The following APBB2 variants were observed in gnomAD, a reference collection of about 807,000 sequenced individuals.
APBB2 encodes Fe65-like 1.
Under a neutral mutation model 82.5 loss-of-function variants are expected in APBB2, and 38 were observed. The ratio of observed to expected loss-of-function variants is 0.46; its 90% CI spans 0.36 to 0.60. The LOEUF is 0.60. Among genes scored for constraint, APBB2 ranks in the 20% least tolerant of loss-of-function variants. APBB2 has a pLI of 0.00. For synonymous variants in APBB2, 341 were observed against 368.2 expected (o/e 0.93, Z 0.85); for missense variants, 772 against 972.3 (o/e 0.79, Z 2.74).
At chr4:40,985,348 TAAAC>T (rs981101921) in intron 6 of APBB2, among the ~76,000 whole-genome samples, 1 of 152,176 alleles carries the variant, frequency 6.6e-6, no homozygotes, top group African/African-American at 2.4e-5. Flanking sequence ...GAAAAATAAT[TAAAC>T]AACCCAGTGG....
intron 12 of APBB2, among the ~76,000 whole-genome samples, chr4:40,886,488 GA>G (rs560963073): frequency 2.1e-5 from 3 of 145,816 alleles, no homozygotes; most frequent in Non-Finnish European, 4.5e-5. Context: ...CTCAAAAAGA[GA>G]AAAAAAAAAC....
intron 6 of APBB2, among the ~76,000 whole-genome samples, chr4:40,989,423 G>C (rs1414612300): frequency 6.6e-6 from 1 of 152,116 alleles, no homozygotes; most frequent in Non-Finnish European, 1.5e-5. Flanking sequence ...AAAATTATGG[G>C]CTTTATGTCA....
intron 6 of APBB2, among the ~76,000 whole-genome samples, chr4:40,995,660 C>A (rs1432217202): frequency 6.6e-6 from 1 of 151,820 alleles, no homozygotes; most frequent in Non-Finnish European, 1.5e-5. Context: ...CTACCTCAGC[C>A]TCCTACGTAG....
At chr4:41,061,278 G>T (rs977100186) in intron 4 of APBB2, among the ~76,000 whole-genome samples, 14 of 152,192 alleles carry the variant, frequency 9.2e-5, no homozygotes, top group Non-Finnish European at 1.9e-4. Flanking sequence ...ATGTGTTGCT[G>T]AACAACAGAA....
intron 2 of APBB2, among the ~76,000 whole-genome samples, chr4:41,126,503 G>C (rs1481616482): frequency 2.0e-5 from 3 of 152,192 alleles, no homozygotes; most frequent in Non-Finnish European, 4.4e-5. Flanking sequence ...TCCATCTTGG[G>C]ATACCCAGGG....
At chr4:40,831,419 A>T (rs183007832) in intron 12 of APBB2, among the ~76,000 whole-genome samples, 32 of 152,256 alleles carry the variant, frequency 2.1e-4, no homozygotes, top group Non-Finnish European at 4.6e-4. Context: ...AACAAAAAAA[A>T]AACATAACTT....
rs909133323 is a variant in APBB2 at position 41,127,690 on chromosome 4, T to G, written c.-261+15297A>C. On this transcript the variant is annotated intron_variant, in intron 2 of 17. Coordinates refer to ENST00000508593, the MANE Select transcript of APBB2 (RefSeq NM_004307.2). The surrounding 1 kb of genome is among the most constrained non-coding windows in gnomAD (Gnocchi z 4.8). ...AAAAACAAATAACTCCATTAAAAAGTGGGCAAAAGGCTAGGCACGATGGGT... is the reference window on the plus strand; with the variant it reads ...AAAAACAAATAACTCCATTAAAAAGGGGGCAAAAGGCTAGGCACGATGGGT... 2.0e-5 allele frequency among the ~76,000 whole-genome samples: 3 copies of G among 152,102 alleles called. No individual in the cohort carries two copies. Among genetic ancestry groups the G allele is most frequent in the Non-Finnish European group, 2.9e-5 (2 of 68,006 alleles).
In APBB2 at chr4:40,982,346, G is replaced by A. The variant is rs1397280809; in HGVS notation, c.835+31237C>T. 7.6e-3 allele frequency among the ~76,000 whole-genome samples: 85 copies of A among 11,218 alleles called. 20 individuals carry two copies. Among genetic ancestry groups the A allele is most frequent in the East Asian group, 0.034 (13 of 386 alleles). The allele number at this position is 11,218 out of a possible 152,430, so 7.4% of individuals were successfully genotyped here. On this transcript the variant is annotated intron_variant, in intron 6 of 17. Transcript: ENST00000508593. ...AGAAAAGAAAGAAGGAAGGAAGGAA[G>A]GAAGGAAGGAAGGAAGGAAGGAAGG... is the stretch of plus-strand genomic sequence containing the variant.
In APBB2 at chr4:41,033,256, G is replaced by T; in HGVS notation, c.-2C>A. ...CTGACCTGGAAGTACTTCTGACATGGATCACCAGGCGTCAGCAATGGTGCA... is the reference window on the plus strand; with the variant it reads ...CTGACCTGGAAGTACTTCTGACATGTATCACCAGGCGTCAGCAATGGTGCA... On this transcript the variant is annotated 5_prime_UTR_variant, in exon 5 of 18. Transcript: ENST00000508593. 2 of 1,601,350 alleles carry T rather than the reference G, an allele frequency of 1.2e-6. No homozygotes were observed. Among genetic ancestry groups the T allele is most frequent in the East Asian group, 2.2e-5 (1 of 44,600 alleles).
intron 12 of APBB2, among the ~76,000 whole-genome samples, chr4:40,833,337 G>A (rs1038290418): frequency 3.9e-5 from 6 of 152,132 alleles, no homozygotes; most frequent in South Asian, 2.1e-4. Flanking sequence ...CCCACTGCAC[G>A]GCACTCCCCG....
At chr4:41,122,272 G>A (rs1446169298) in intron 2 of APBB2, among the ~76,000 whole-genome samples, 8 of 152,162 alleles carry the variant, frequency 5.3e-5, no homozygotes. Flanking sequence ...CTTGAGGACA[G>A]TACAAGTATC....
Position 41,079,119 on chromosome 4 carries a change from G to A in APBB2, c.-148-13446C>T, listed in dbSNP as rs545618902. ...ACCAAGTGTCTGATCCTGAAGAGATGGTCAGCACGAACACTAATGTCCAGT... is the reference window on the plus strand; with the variant it reads ...ACCAAGTGTCTGATCCTGAAGAGATAGTCAGCACGAACACTAATGTCCAGT... On this transcript the variant is annotated intron_variant, in intron 3 of 17. Transcript: ENST00000508593. Among the ~76,000 whole-genome samples the A allele has an allele frequency of 8.5e-5, 13 of 152,224 alleles. No homozygotes were observed. In the East Asian group the frequency reaches 2.5e-3, roughly 29 times the overall value.
chr4:41,050,118 AAAAAAT>A (rs202083903), intron 4 of APBB2, among the ~76,000 whole-genome samples: 10,843 of 152,044 alleles, frequency 0.071, 1,251 homozygotes, highest in African/African-American at 0.25. Context: ...GATCAATAAA[AAAAAAT>A]AAAAATAAAA....
rs140568437 is a variant in APBB2, at chr4:40,917,992, G to A, written c.1254+16464C>T. ...TAGGTTATAATTCCACATGCAAAACGCAATCTCTGTGAAACTTATTCCATG... is the reference window on the plus strand; with the variant it reads ...TAGGTTATAATTCCACATGCAAAACACAATCTCTGTGAAACTTATTCCATG... On this transcript the variant is annotated intron_variant, in intron 10 of 17. Coordinates refer to ENST00000508593, the MANE Select transcript of APBB2 (RefSeq NM_004307.2). Among the ~76,000 whole-genome samples, 113 of 152,288 alleles carry A rather than the reference G, an allele frequency of 7.4e-4. No homozygotes were observed. The East Asian group carries it at 0.019, about 25-fold the overall frequency.
intron 1 of APBB2, among the ~76,000 whole-genome samples, chr4:41,205,291 C>T (rs1351202073): frequency 1.3e-5 from 2 of 152,144 alleles, no homozygotes; most frequent in Admixed American, 6.5e-5. Flanking sequence ...AGTTACTAAG[C>T]AAGCACTACC....
At chr4:41,085,046 C>A (rs55922908) in intron 3 of APBB2, among the ~76,000 whole-genome samples, 1 of 152,024 alleles carries the variant, frequency 6.6e-6, no homozygotes, top group South Asian at 2.1e-4. Context: ...GTCAGGAGAT[C>A]GAGACCATTC....
chr4:41,123,238 T>G (rs28626107), intron 2 of APBB2, among the ~76,000 whole-genome samples: 60,201 of 151,620 alleles, frequency 0.4, 12,274 homozygotes, highest in Non-Finnish European at 0.45. Context: ...TCATCGTCAC[T>G]GGCTGAACAG....
chr4:41,115,511 G>A (rs1381355160), intron 2 of APBB2, among the ~76,000 whole-genome samples: 1 of 152,080 alleles, frequency 6.6e-6, no homozygotes, highest in East Asian at 1.9e-4. Context: ...CACAGCAAGG[G>A]AAACTATCAT....
chr4:40,815,859 C>A lies in APBB2; in HGVS notation c.*233G>T. The A allele has an allele frequency of 2.0e-6, 1 of 489,106 alleles. No individual in the cohort carries two copies. The highest frequency in any genetic ancestry group is 3.1e-5 in the East Asian group (1 of 32,224). The allele number at this position is 489,106 out of a possible 1,614,324, so 30.3% of individuals were successfully genotyped here. On this transcript the variant is annotated 3_prime_UTR_variant, in exon 18 of 18. Transcript: ENST00000508593. ...ACAATATTTACAATAAGAAAAAGAC[C>A]TTCCACTGCGCATGATGTAACTTAC... is the stretch of plus-strand genomic sequence containing the variant.
Sources: allele counts gnomAD v4.1 joint callset (sites outside exome capture counted in the v4.1 genomes callset), GRCh38; gene constraint gnomAD v4.1.1; non-coding constraint Gnocchi (gnomAD v3.1); transcripts MANE v1.5; gene names NCBI Gene and HGNC (gene_info 2026-07-23, HGNC 2026-07-21).